Variants in FARP1 observed in about 807,000 individuals in gnomAD.
The protein encoded by FARP1 is FERM, ARHGEF and pleckstrin domain-containing protein 1.
Under a neutral mutation model 128.8 loss-of-function variants are expected in FARP1, and 52 were observed. That is an observed-to-expected ratio of 0.40 (90% CI 0.32 to 0.51). FARP1 has a LOEUF of 0.51. Among genes scored for constraint, FARP1 ranks in the 20% least tolerant of loss-of-function variants. The probability of loss-of-function intolerance (pLI) is 0.45; values close to 1 mark genes in which losing one functional copy is unlikely to be tolerated. For synonymous variants in FARP1, 580 were observed against 551.8 expected (o/e 1.05, Z -0.72); for missense variants, 1,333 against 1,367.9 (o/e 0.97, Z 0.40).
chr13:98,150,601 G>A (rs1010671049), intron 1 of FARP1, among the ~76,000 whole-genome samples: 2 of 152,072 alleles, frequency 1.3e-5, no homozygotes, highest in Admixed American at 1.3e-4. Context: ...CTTATTTAAC[G>A]TCAGGAAATA....
At chr13:98,210,642 C>CTG (rs1880640667) in intron 1 of FARP1, among the ~76,000 whole-genome samples, 2 of 151,968 alleles carry the variant, frequency 1.3e-5, no homozygotes, top group Admixed American at 6.5e-5. Context: ...CTCCGCCTTC[C>CTG]GGGTTCACGC....
intron 2 of FARP1, among the ~76,000 whole-genome samples, chr13:98,242,461 T>G (rs1306844065): frequency 1.3e-5 from 2 of 152,102 alleles, no homozygotes; most frequent in Non-Finnish European, 1.5e-5. Flanking sequence ...AGATCTCTTA[T>G]GGCCAGGAGT....
At chr13:98,246,623 C>G (rs1281164085) in intron 2 of FARP1, among the ~76,000 whole-genome samples, 2 of 151,982 alleles carry the variant, frequency 1.3e-5, no homozygotes, top group African/African-American at 4.8e-5. Flanking sequence ...TCCTTCTCCT[C>G]TGGGGATAAT....
chr13:98,175,534 T>A (rs200582250), intron 1 of FARP1, among the ~76,000 whole-genome samples: 5 of 143,668 alleles, frequency 3.5e-5, no homozygotes, highest in African/African-American at 5.1e-5. Flanking sequence ...AAAAAAAAAA[T>A]TAATTATAGT....
rs1410737994 is a variant in FARP1, at chr13:98,379,017, A to G, written c.496+1099A>G. ...ATATAATATATACAATATATAATCT[A>G]TATATAATATATATAATATATACAA... On this transcript the variant is annotated intron_variant, in intron 6 of 26. Coordinates refer to ENST00000319562, the MANE Select transcript of FARP1 (RefSeq NM_005766.4). Among the ~76,000 whole-genome samples the G allele has an allele frequency of 1.4e-4, 12 of 84,722 alleles. 2 individuals are homozygous for G. Among genetic ancestry groups the G allele is most frequent in the African/African-American group, 8.1e-4 (11 of 13,586 alleles). The allele number at this position is 84,722 out of a possible 152,430, so 55.6% of individuals were successfully genotyped here. A position where few individuals can be genotyped will look rare whatever the true frequency, so the allele number is the denominator to read the frequency against.
At position 98,395,090 on chromosome 13, in the gene FARP1, C is replaced by T. The variant is rs1353913846; in HGVS notation, c.1165-137C>T. Reference sequence around the variant, plus strand: ...ATGTGCCTCCGTGATTGCTGCTAGGCCAGAGAGCTCCGGGGCAGTTCTCCC... The same window carrying T: ...ATGTGCCTCCGTGATTGCTGCTAGGTCAGAGAGCTCCGGGGCAGTTCTCCC... On this transcript the variant is annotated intron_variant, in intron 12 of 26. Transcript: ENST00000319562. 5.0e-6 allele frequency: 5 copies of T among 1,007,932 alleles called. No individual in the cohort carries two copies. The East Asian group carries it at 8.2e-5, about 17-fold the overall frequency. The allele number at this position is 1,007,932 out of a possible 1,614,324, so 62.4% of individuals were successfully genotyped here.
intron 2 of FARP1, among the ~76,000 whole-genome samples, chr13:98,256,948 G>GGC (rs59128917): frequency 1.3e-5 from 1 of 77,076 alleles, no homozygotes; most frequent in East Asian, 4.2e-4. Context: ...TATATATGTG[G>GGC]ATATATATAT....
At chr13:98,313,425 G>A (rs552605271) in intron 2 of FARP1, among the ~76,000 whole-genome samples, 1 of 152,218 alleles carries the variant, frequency 6.6e-6, no homozygotes, top group African/African-American at 2.4e-5. Flanking sequence ...CCAGGAGCGG[G>A]ATGCCAGGGC....
At chr13:98,208,137 G>T (rs1031809638) in intron 1 of FARP1, among the ~76,000 whole-genome samples, 2 of 152,044 alleles carry the variant, frequency 1.3e-5, no homozygotes, top group African/African-American at 4.8e-5. Context: ...CTTAGAAAAA[G>T]CTTATTTGAG....
At chr13:98,205,891 C>T (rs976633229) in intron 1 of FARP1, among the ~76,000 whole-genome samples, 3 of 152,152 alleles carry the variant, frequency 2.0e-5, no homozygotes, top group African/African-American at 7.2e-5. Flanking sequence ...CCCATAGCTT[C>T]CCTGAACTCT....
At chr13:98,396,007 G>C in intron 13 of FARP1, 1 of 399,158 alleles carries the variant, frequency 2.5e-6, no homozygotes, top group Non-Finnish European at 4.4e-6. Context: ...TCCTCCTTAT[G>C]AACGCTGGTC....
intron 2 of FARP1, among the ~76,000 whole-genome samples, chr13:98,243,739 C>G (rs1345993429): frequency 5.3e-5 from 8 of 151,368 alleles, no homozygotes; most frequent in Admixed American, 6.6e-5. Context: ...TTGCATTGCC[C>G]TTTCAGGTAA....
chr13:98,147,697 A>C (rs894421804), intron 1 of FARP1, among the ~76,000 whole-genome samples: 1 of 151,844 alleles, frequency 6.6e-6, no homozygotes, highest in African/African-American at 2.4e-5. Flanking sequence ...TTTGAAAAAA[A>C]CTCGAGGCTG....
chr13:98,447,981 C>G, intron 26 of FARP1: 1 of 532,760 alleles, frequency 1.9e-6, no homozygotes, highest in Non-Finnish European at 3.3e-6. Context: ...TCGCTCCTAA[C>G]TGCTCCAATG....
At chr13:98,204,156 G>C (rs974505588) in intron 1 of FARP1, 3 of 152,126 alleles carry the variant, frequency 2.0e-5, no homozygotes, top group African/African-American at 4.8e-5. Flanking sequence ...ACGATCAATG[G>C]GGTGACAGAT....
At chr13:98,400,729 A>T (rs1409496400) in intron 13 of FARP1, 1 of 152,136 alleles carries the variant, frequency 6.6e-6, no homozygotes, top group Non-Finnish European at 1.5e-5. Flanking sequence ...TTTCTCTTTT[A>T]TGGTCTGTAA....
At chr13:98,150,718 C>T (rs1298259476) in intron 1 of FARP1, among the ~76,000 whole-genome samples, 2 of 152,132 alleles carry the variant, frequency 1.3e-5, no homozygotes, top group African/African-American at 4.8e-5. Flanking sequence ...GGCGATGGAA[C>T]ACTTTTGTTC....
intron 2 of FARP1, among the ~76,000 whole-genome samples, chr13:98,240,475 A>AC (rs1882703781): frequency 6.6e-6 from 1 of 152,154 alleles, no homozygotes; most frequent in Non-Finnish European, 1.5e-5. Flanking sequence ...GGTGCAGGGC[A>AC]CTGGGGGCAG....
intron 7 of FARP1, among the ~76,000 whole-genome samples, 180 bp from the exon 8 acceptor site, chr13:98,385,487 G>T (rs553776220): frequency 2.8e-4 from 43 of 152,310 alleles, no homozygotes; most frequent in African/African-American, 8.7e-4. Context: ...TGGAGGTTTT[G>T]TCCTAGCTGC....
Sources: gnomAD v4.1 joint callset for allele counts (sites outside exome capture counted in the v4.1 genomes callset) on GRCh38, gnomAD v4.1.1 for gene constraint, MANE v1.5 for transcripts, NCBI Gene and HGNC (gene_info 2026-07-23, HGNC 2026-07-21) for gene names.